Variants in STXBP4 observed in about 807,000 individuals in gnomAD.
The protein encoded by STXBP4 is syntaxin binding protein 4.
STXBP4 carries 55 observed loss-of-function variants against 76.1 expected under a neutral mutation model. That is an observed-to-expected ratio of 0.72 (90% CI 0.58 to 0.91). The LOEUF is 0.91. Ranked by LOEUF, STXBP4 falls within the 40% of genes least tolerant of loss-of-function variation. The pLI is 0.00. For missense variants in STXBP4, 618 were observed against 636.9 expected, an observed-to-expected ratio of 0.97 and a Z score of 0.32; for synonymous variants, 201 against 220.2, an observed-to-expected ratio of 0.91 and a Z score of 0.77.
chr17:55,188,228 A>G, the STXBP4 span, among the ~76,000 whole-genome samples: 1 of 152,224 alleles, frequency 6.6e-6, no homozygotes, highest in Non-Finnish European at 1.5e-5. Flanking sequence ...TAAGGTCAGC[A>G]CTGGATTAAT....
chr17:55,079,161 C>T (rs900544880), intron 15 of STXBP4, among the ~76,000 whole-genome samples: 6 of 152,068 alleles, frequency 3.9e-5, no homozygotes, highest in African/African-American at 1.2e-4. Context: ...CATTTTCTTT[C>T]GTTTTCATCT....
intron 12 of STXBP4, among the ~76,000 whole-genome samples, chr17:55,059,236 G>A (rs2078967760): frequency 6.6e-6 from 1 of 152,038 alleles, no homozygotes; most frequent in Non-Finnish European, 1.5e-5. Flanking sequence ...CAGGCTGATT[G>A]CATAAAATAT....
At chr17:55,177,839 A>G (rs897171316), downstream of STXBP4, among the ~76,000 whole-genome samples, 4 of 152,364 alleles carry the variant, frequency 2.6e-5, no homozygotes, top group African/African-American at 9.6e-5. Flanking sequence ...CAGAAGGAAC[A>G]TGCCTGAGTG....
At chr17:55,087,203 T>C (rs922929829) in intron 16 of STXBP4, among the ~76,000 whole-genome samples, 2 of 152,208 alleles carry the variant, frequency 1.3e-5, no homozygotes, top group African/African-American at 4.8e-5. Flanking sequence ...TTTGCAAATA[T>C]TGTCTCCAAT....
At chr17:55,155,203 A>C (rs963998429) in intron 17 of STXBP4, among the ~76,000 whole-genome samples, 2 of 152,152 alleles carry the variant, frequency 1.3e-5, no homozygotes, top group Non-Finnish European at 2.9e-5. Flanking sequence ...TCCTATTACT[A>C]ATCTGTAATT....
intron 3 of STXBP4, among the ~76,000 whole-genome samples, chr17:54,988,815 T>A (rs1303899244): frequency 1.3e-5 from 2 of 152,144 alleles, no homozygotes; most frequent in Non-Finnish European, 2.9e-5. Flanking sequence ...TTTTGGACCC[T>A]TGGACCCTGT....
intron 12 of STXBP4, among the ~76,000 whole-genome samples, chr17:55,058,572 C>T (rs1412159861): frequency 1.3e-5 from 2 of 152,078 alleles, no homozygotes; most frequent in Non-Finnish European, 2.9e-5. Context: ...TAAGTTTGGA[C>T]ACCCTTTGAG....
At chr17:55,040,835 T>A (rs1567733276) in intron 10 of STXBP4, among the ~76,000 whole-genome samples, 1 of 152,192 alleles carries the variant, frequency 6.6e-6, no homozygotes, top group Non-Finnish European at 1.5e-5. Flanking sequence ...TACTGATAGA[T>A]TTTGAAAACA....
chr17:55,001,753 C>T (rs911862557), intron 7 of STXBP4, among the ~76,000 whole-genome samples: 3 of 152,186 alleles, frequency 2.0e-5, no homozygotes, highest in African/African-American at 7.2e-5. Context: ...CTGCCTCAGC[C>T]TCCCAAGTAG....
chr17:55,180,908 C>A, the STXBP4 span, among the ~76,000 whole-genome samples: 1 of 152,192 alleles, frequency 6.6e-6, no homozygotes, highest in Non-Finnish European at 1.5e-5. Flanking sequence ...AGTCAAAATT[C>A]CTTTTAGATT....
At chr17:55,013,294 T>C (rs1026023897) in intron 8 of STXBP4, among the ~76,000 whole-genome samples, 1 of 152,222 alleles carries the variant, frequency 6.6e-6, no homozygotes, top group African/African-American at 2.4e-5. Context: ...GTTGGCAAGC[T>C]TAACACTGGG....
At chr17:55,151,285 G>GTGAC (rs1354329376) in intron 17 of STXBP4, among the ~76,000 whole-genome samples, 1 of 152,156 alleles carries the variant, frequency 6.6e-6, no homozygotes, top group African/African-American at 2.4e-5. Context: ...CTTGGATGGG[G>GTGAC]CTTTGATACT....
chr17:55,019,020 G>A (rs921297832), intron 8 of STXBP4, among the ~76,000 whole-genome samples: 1 of 152,134 alleles, frequency 6.6e-6, no homozygotes, highest in African/African-American at 2.4e-5. Flanking sequence ...TTGGCTCATA[G>A]TATATGCTGA....
At chr17:55,042,054 A>G (rs925841735) in intron 10 of STXBP4, among the ~76,000 whole-genome samples, 11 of 152,186 alleles carry the variant, frequency 7.2e-5, no homozygotes, top group African/African-American at 2.7e-4. Context: ...ATAGATACCC[A>G]AAAGCTAATG....
chr17:55,052,323 A>G (rs1042710859), intron 12 of STXBP4, among the ~76,000 whole-genome samples: 2 of 152,176 alleles, frequency 1.3e-5, no homozygotes, highest in Admixed American at 6.5e-5. Flanking sequence ...CTGGCCAAAT[A>G]TGGAAGAACT....
chr17:55,132,971 G>A (rs2079989209), intron 16 of STXBP4, among the ~76,000 whole-genome samples: 1 of 152,116 alleles, frequency 6.6e-6, no homozygotes, highest in East Asian at 1.9e-4. Flanking sequence ...TGCAGCTGCA[G>A]CACATTGAAC....
intron 8 of STXBP4, among the ~76,000 whole-genome samples, chr17:55,008,208 C>CA (rs750216018): frequency 2.4e-3 from 357 of 150,496 alleles, no homozygotes; most frequent in African/African-American, 6.6e-3. Flanking sequence ...AAAAATAAGC[C>CA]CCTTTTTTTT....
At chr17:55,010,669 A>G (rs1394944530) in intron 8 of STXBP4, among the ~76,000 whole-genome samples, 1 of 152,146 alleles carries the variant, frequency 6.6e-6, no homozygotes, top group African/African-American at 2.4e-5. Flanking sequence ...GCTTTGGGAT[A>G]TGGATGCCAT....
chr17:54,982,044 C>CTA (rs2077557797), intron 1 of STXBP4, among the ~76,000 whole-genome samples: 1 of 152,138 alleles, frequency 6.6e-6, no homozygotes, highest in Middle Eastern at 3.2e-3. Context: ...GTAACAGGCA[C>CTA]TATAGTTGGT....
Sources: allele counts gnomAD v4.1 joint callset (sites outside exome capture counted in the v4.1 genomes callset), GRCh38; gene constraint gnomAD v4.1.1; transcripts MANE v1.5; gene names NCBI Gene and HGNC (gene_info 2026-07-23, HGNC 2026-07-21).